Variants in MSRA observed in about 807,000 individuals in gnomAD.
The protein encoded by MSRA is methionine sulfoxide reductase A.
In MSRA, 54 loss-of-function variants were observed where a neutral mutation model predicts 31.3. The observed-to-expected ratio is 1.73, with a 90% CI of 1.39 to 2.17. The LOEUF (loss-of-function observed/expected upper bound fraction) is 2.17. Among genes scored for constraint, MSRA ranks in the 30% most tolerant of loss-of-function variants. The pLI is 0.00. For synonymous variants in MSRA, 169 were observed against 116.5 expected, an observed-to-expected ratio of 1.45 and a Z score of -2.90; for missense variants, 507 against 300.9, an observed-to-expected ratio of 1.69 and a Z score of -5.07.
chr8:10,218,287 A>G (rs761910355), intron 2 of MSRA, among the ~76,000 whole-genome samples: 21 of 152,024 alleles, frequency 1.4e-4, no homozygotes, highest in Non-Finnish European at 2.8e-4. Context: ...CTGGGATTAT[A>G]GGCGTGCACC....
In MSRA at chr8:10,089,679, T is replaced by C. The variant is rs559496153; in HGVS notation, c.142+35021T>C. ...AGTTCTGCAGGCTGTATAAGAAATA[T>C]GGCATTAGCATCTGCTGGCCTCCGG... On this transcript the variant is annotated intron_variant, in intron 1 of 5. Coordinates refer to ENST00000317173, the MANE Select transcript of MSRA (RefSeq NM_012331.5). 1.0e-3 allele frequency among the ~76,000 whole-genome samples: 152 copies of C among 152,326 alleles called. 2 individuals carry two copies. Among genetic ancestry groups the C allele is most frequent in the Non-Finnish European group, 9.7e-4 (66 of 68,036 alleles).
intron 1 of MSRA, among the ~76,000 whole-genome samples, chr8:10,090,940 A>G (rs1340981636): frequency 1.3e-5 from 2 of 152,220 alleles, no homozygotes; most frequent in African/African-American, 4.8e-5. Flanking sequence ...CAGCTGCTGA[A>G]CATGGGGATT....
chr8:10,205,629 A>G (rs147873497), intron 1 of MSRA, among the ~76,000 whole-genome samples: 2,583 of 152,286 alleles, frequency 0.017, 71 homozygotes, highest in African/African-American at 0.059. Context: ...AAAATCTATA[A>G]TTTTCATTTG....
chr8:10,134,938 G>A (rs1055993950), intron 1 of MSRA, among the ~76,000 whole-genome samples: 15 of 152,238 alleles, frequency 9.9e-5, no homozygotes, highest in African/African-American at 2.7e-4. Context: ...TAGGTGGGCT[G>A]TAAAAGCTAG....
At chr8:10,295,067 C>T (rs1334494826) in intron 3 of MSRA, among the ~76,000 whole-genome samples, 2 of 152,244 alleles carry the variant, frequency 1.3e-5, no homozygotes. Flanking sequence ...CACTCCTGGG[C>T]GGCAGGACAG....
chr8:10,141,304 C>G (rs1393591158), intron 1 of MSRA, among the ~76,000 whole-genome samples: 1 of 152,236 alleles, frequency 6.6e-6, no homozygotes, highest in Non-Finnish European at 1.5e-5. Context: ...CATTTCCCCA[C>G]TTCAGAGGTG....
At chr8:10,198,193 A>T (rs1290790846) in intron 1 of MSRA, among the ~76,000 whole-genome samples, 1 of 152,192 alleles carries the variant, frequency 6.6e-6, no homozygotes, top group Non-Finnish European at 1.5e-5. Flanking sequence ...ATAAAAGTAT[A>T]AAGAAGGAAG....
intron 5 of MSRA, among the ~76,000 whole-genome samples, chr8:10,355,473 T>G (rs919587012): frequency 1.3e-5 from 2 of 152,162 alleles, no homozygotes; most frequent in Admixed American, 6.5e-5. Flanking sequence ...TCTGGAGATT[T>G]CTGAGACACG....
intron 1 of MSRA, among the ~76,000 whole-genome samples, chr8:10,062,090 G>A (rs1262748034): frequency 6.6e-6 from 1 of 152,208 alleles, no homozygotes; most frequent in Non-Finnish European, 1.5e-5. Flanking sequence ...GGTCTTATGA[G>A]GGTGAGTGGC....
chr8:10,139,222 G>C (rs1395128611), intron 1 of MSRA, among the ~76,000 whole-genome samples: 1 of 152,188 alleles, frequency 6.6e-6, no homozygotes, highest in South Asian at 2.1e-4. Context: ...AAGTGGGCCA[G>C]ATTTGCTAAT....
At chr8:10,419,225 A>G (rs1808666830) in intron 5 of MSRA, among the ~76,000 whole-genome samples, 2 of 152,300 alleles carry the variant, frequency 1.3e-5, no homozygotes, top group Middle Eastern at 3.4e-3. Flanking sequence ...GCAGGACAGA[A>G]CACTCGGCAT....
chr8:10,317,150 A>G (rs1180243956), intron 4 of MSRA, among the ~76,000 whole-genome samples: 1 of 152,190 alleles, frequency 6.6e-6, no homozygotes, highest in Non-Finnish European at 1.5e-5. Context: ...GCTCCCTAAG[A>G]TAGAGATAGC....
At chr8:10,244,546 T>C (rs1417084911) in intron 2 of MSRA, among the ~76,000 whole-genome samples, 1 of 152,214 alleles carries the variant, frequency 6.6e-6, no homozygotes, top group Admixed American at 6.5e-5. Context: ...CAGAAAAATT[T>C]ACTTTTGGGT....
intron 1 of MSRA, among the ~76,000 whole-genome samples, chr8:10,156,680 C>T (rs923450220): frequency 2.6e-5 from 4 of 152,050 alleles, no homozygotes; most frequent in Admixed American, 6.6e-5. Flanking sequence ...GCATATTCTT[C>T]CTCCACTGCC....
At chr8:10,417,376 T>C (rs975286868) in intron 5 of MSRA, among the ~76,000 whole-genome samples, 33 of 150,914 alleles carry the variant, frequency 2.2e-4, no homozygotes, top group Non-Finnish European at 4.4e-4. Flanking sequence ...TGCTCCGGGG[T>C]CCTCTTTGGT....
At chr8:10,312,240 T>C (rs960841051) in intron 4 of MSRA, among the ~76,000 whole-genome samples, 3 of 152,074 alleles carry the variant, frequency 2.0e-5, no homozygotes, top group African/African-American at 4.8e-5. Flanking sequence ...TATTTCACAA[T>C]GGCTACAAAA....
intron 3 of MSRA, among the ~76,000 whole-genome samples, chr8:10,246,586 G>A (rs140341429): frequency 6.6e-6 from 1 of 152,310 alleles, no homozygotes; most frequent in Non-Finnish European, 1.5e-5. Context: ...CCCTCCAAGG[G>A]CACCATGAAT....
chr8:10,054,763 C>T (rs762666835), intron 1 of MSRA, 105 bp downstream of exon 1: 4 of 1,258,312 alleles, frequency 3.2e-6, no homozygotes, highest in South Asian at 2.5e-5. Context: ...GGGCTGGCCT[C>T]GGGCGGGTCG....
chr8:10,249,353 C>T (rs991876213), intron 3 of MSRA, among the ~76,000 whole-genome samples: 1 of 152,166 alleles, frequency 6.6e-6, no homozygotes. Context: ...GAGTTAACCT[C>T]GGGCTGAGTT....
Sources: gnomAD v4.1 joint callset for allele counts (sites outside exome capture counted in the v4.1 genomes callset) on GRCh38, gnomAD v4.1.1 for gene constraint, MANE v1.5 for transcripts, NCBI Gene and HGNC (gene_info 2026-07-23, HGNC 2026-07-21) for gene names.